GULP1: variants seen among roughly 807,000 people sequenced by gnomAD.
GULP1 encodes PTB domain-containing engulfment adapter protein 1.
In GULP1, 19 loss-of-function variants were observed where a neutral mutation model predicts 40.9. The observed-to-expected ratio is 0.46, with a 90% CI of 0.32 to 0.68. The LOEUF (loss-of-function observed/expected upper bound fraction) is 0.68. Ranked by LOEUF, GULP1 falls within the 30% of genes least tolerant of loss-of-function variation. The pLI is 0.03. For missense variants in GULP1, 312 were observed against 362.2 expected, an observed-to-expected ratio of 0.86 and a Z score of 1.12; for synonymous variants, 119 against 117.6, an observed-to-expected ratio of 1.01 and a Z score of -0.08.
chr2:188,428,276 C>T (rs2056455978), intron 2 of GULP1, among the ~76,000 whole-genome samples: 1 of 152,062 alleles, frequency 6.6e-6, no homozygotes, highest in African/African-American at 2.4e-5. Context: ...AGATTTTGAC[C>T]TTGGATTTTT....
chr2:188,475,475 A>G (rs1015828901), intron 2 of GULP1, among the ~76,000 whole-genome samples: 1 of 151,902 alleles, frequency 6.6e-6, no homozygotes, highest in South Asian at 2.1e-4. Context: ...AAGCCACGCT[A>G]TTGTTTAATT....
intron 4 of GULP1, among the ~76,000 whole-genome samples, chr2:188,518,961 A>G (rs145646583): frequency 6.6e-6 from 1 of 152,268 alleles, no homozygotes; most frequent in East Asian, 1.9e-4. Context: ...ATGCTACCTC[A>G]TATCTAAGAG....
intron 1 of GULP1, among the ~76,000 whole-genome samples, chr2:188,353,243 AT>A (rs2044756263): frequency 1.3e-5 from 2 of 152,178 alleles, no homozygotes; most frequent in Admixed American, 6.5e-5. Flanking sequence ...GAAAGCTGAC[AT>A]TTACCAAGTG....
At chr2:188,431,518 A>T (rs2056871995) in intron 2 of GULP1, among the ~76,000 whole-genome samples, 1 of 152,190 alleles carries the variant, frequency 6.6e-6, no homozygotes, top group Non-Finnish European at 1.5e-5. Flanking sequence ...CAATTTCACG[A>T]AGAGTAATTG....
At chr2:188,350,151 A>C (rs537846517) in intron 1 of GULP1, among the ~76,000 whole-genome samples, 1 of 152,136 alleles carries the variant, frequency 6.6e-6, no homozygotes, top group African/African-American at 2.4e-5. Flanking sequence ...ATATCTTCCA[A>C]CTTTTTTTAG....
chr2:188,399,690 G>GAAAAAAAAAAA (rs55877284), intron 2 of GULP1, among the ~76,000 whole-genome samples: 1 of 64,666 alleles, frequency 1.5e-5, no homozygotes, highest in African/African-American at 6.5e-5. Flanking sequence ...GTCCCTACAA[G>GAAAAAAAAAAA]AAAAAAAAAA....
At chr2:188,441,440 T>C (rs1398550766) in intron 2 of GULP1, among the ~76,000 whole-genome samples, 1 of 152,194 alleles carries the variant, frequency 6.6e-6, no homozygotes, top group Non-Finnish European at 1.5e-5. Context: ...TAAACTGAGC[T>C]TTGCCCTCCT....
intron 10 of GULP1, among the ~76,000 whole-genome samples, chr2:188,587,137 G>A (rs931388787): frequency 6.6e-5 from 10 of 152,004 alleles, no homozygotes; most frequent in South Asian, 4.2e-4. Context: ...ATAATAGGCC[G>A]TAATCTATCA....
rs116065282 is a variant in GULP1 at position 188,334,612 on chromosome 2, T to C, written c.-172+42446T>C. Among the ~76,000 whole-genome samples the C allele has an allele frequency of 4.7e-3, 716 of 152,300 alleles. 3 individuals carry two copies. The highest frequency in any genetic ancestry group is 0.01 in the Admixed American group (154 of 15,296). ...CTGAGACTCATACCTTATCAAATCA[T>C]GGTCCCTCGCTCAGCAGCATTTGTA... On this transcript the variant is annotated intron_variant, in intron 1 of 11. Coordinates refer to ENST00000409830, the MANE Select transcript of GULP1 (RefSeq NM_016315.4).
intron 2 of GULP1, among the ~76,000 whole-genome samples, chr2:188,403,370 TG>T (rs773735983): frequency 2.0e-5 from 3 of 152,158 alleles, no homozygotes; most frequent in Non-Finnish European, 4.4e-5. Context: ...TATTGTTACG[TG>T]CCCTAAATTA....
chr2:188,329,326 G>A (rs550497919), intron 1 of GULP1, among the ~76,000 whole-genome samples: 1 of 152,156 alleles, frequency 6.6e-6, no homozygotes, highest in Non-Finnish European at 1.5e-5. Context: ...ATTTAATGCA[G>A]CACCCAATTC....
intron 4 of GULP1, among the ~76,000 whole-genome samples, chr2:188,487,963 C>T (rs2062006774): frequency 6.6e-6 from 1 of 151,852 alleles, no homozygotes; most frequent in Non-Finnish European, 1.5e-5. Context: ...AAAATACAAA[C>T]AAAATGACAA....
rs58492446 is a variant in GULP1, at chr2:188,335,148, T to G, written c.-172+42982T>G. On this transcript the variant is annotated intron_variant, in intron 1 of 11. Coordinates refer to ENST00000409830, the MANE Select transcript of GULP1 (RefSeq NM_016315.4). ...TATATCATAAACTGTAACTGAAAATTGAGAATTAGTGCCAGACTAGAAAGG... is the reference window on the plus strand; with the variant it reads ...TATATCATAAACTGTAACTGAAAATGGAGAATTAGTGCCAGACTAGAAAGG... Among the ~76,000 whole-genome samples the G allele has an allele frequency of 6.6e-5, 10 of 152,362 alleles. No individual in the cohort carries two copies. In the East Asian group the frequency reaches 1.9e-3, roughly 29 times the overall value.
intron 1 of GULP1, among the ~76,000 whole-genome samples, chr2:188,337,774 A>T (rs868328854): frequency 6.6e-6 from 1 of 151,988 alleles, no homozygotes; most frequent in African/African-American, 2.4e-5. Context: ...CCACCTTGGA[A>T]TTTCTATAAG....
At chr2:188,405,923 C>A (rs1193010918) in intron 2 of GULP1, among the ~76,000 whole-genome samples, 4 of 152,130 alleles carry the variant, frequency 2.6e-5, no homozygotes, top group African/African-American at 7.2e-5. Flanking sequence ...CATGACATCA[C>A]ATGATAAAAT....
chr2:188,304,861 C>T (rs2106184484), intron 1 of GULP1, among the ~76,000 whole-genome samples: 1 of 152,266 alleles, frequency 6.6e-6, no homozygotes, highest in Non-Finnish European at 1.5e-5. Flanking sequence ...TGCTCTCATA[C>T]AACAACAACC....
chr2:188,407,443 C>T (rs1221989285), intron 2 of GULP1, among the ~76,000 whole-genome samples: 1 of 152,010 alleles, frequency 6.6e-6, no homozygotes, highest in Non-Finnish European at 1.5e-5. Context: ...GTAGTAATAA[C>T]TACAATAATT....
chr2:188,308,732 C>T (rs780170645), intron 1 of GULP1, among the ~76,000 whole-genome samples: 25 of 152,182 alleles, frequency 1.6e-4, no homozygotes, highest in South Asian at 4.1e-4. Context: ...CTGGCTCCAT[C>T]ACTTGCTAGT....
In GULP1 at chr2:188,541,044, G is replaced by A. The variant is rs1321798110; in HGVS notation, c.262-137G>A. 4.2e-6 allele frequency: 3 copies of A among 713,974 alleles called. No homozygotes were observed. The Admixed American group carries it at 8.3e-5, about 20-fold the overall frequency. 44.2% of individuals were successfully genotyped at this position (713,974 alleles called of 1,614,324 possible). ...CATTATGCCTTTGTTTTAGGTTGGG[G>A]TGTACATAATTATAAAATCAAAGAT... On this transcript the variant is annotated intron_variant, in intron 6 of 11. Coordinates refer to ENST00000409830, the MANE Select transcript of GULP1 (RefSeq NM_016315.4).
Sources: allele counts gnomAD v4.1 joint callset (sites outside exome capture counted in the v4.1 genomes callset), GRCh38; gene constraint gnomAD v4.1.1; transcripts MANE v1.5; gene names NCBI Gene and HGNC (gene_info 2026-07-23, HGNC 2026-07-21).